KCND2: variants seen among roughly 807,000 people sequenced by gnomAD.
KCND2 encodes A-type voltage-gated potassium channel KCND2.
Under a neutral mutation model 54.4 loss-of-function variants are expected in KCND2, and 16 were observed. That is an observed-to-expected ratio of 0.29 (90% CI 0.20 to 0.45). The LOEUF (loss-of-function observed/expected upper bound fraction) is 0.45, where lower values mean the gene tolerates loss of function less well. Ranked by LOEUF, KCND2 falls within the 20% of genes least tolerant of loss-of-function variation. The pLI is 1.00. For synonymous variants in KCND2, 317 were observed against 310.7 expected, an observed-to-expected ratio of 1.02 and a Z score of -0.21; for missense variants, 486 against 824.2, an observed-to-expected ratio of 0.59 and a Z score of 5.02.
rs533275097 is a variant in KCND2 at position 120,670,923 on chromosome 7, A to T, written c.1116-61980A>T. On this transcript the variant is annotated intron_variant, in intron 1 of 5. Transcript: ENST00000331113. ...AGAGCCAGGCTCCGTCTCAAAAAAA[A>T]AAAAAAAGAAAGAAAAGGGATGAAT... Among the ~76,000 whole-genome samples, 28 of 151,838 alleles carry T rather than the reference A, an allele frequency of 1.8e-4. No homozygotes were observed. In the South Asian group the frequency reaches 5.8e-3, roughly 32 times the overall value.
At chr7:120,715,959 C>G (rs1388117245) in intron 1 of KCND2, among the ~76,000 whole-genome samples, 1 of 151,930 alleles carries the variant, frequency 6.6e-6, no homozygotes, top group Non-Finnish European at 1.5e-5. Flanking sequence ...ACAATTACTT[C>G]TTTTTTTAAT....
intron 1 of KCND2, among the ~76,000 whole-genome samples, chr7:120,729,049 A>G (rs1330769750): frequency 1.3e-5 from 2 of 152,180 alleles, no homozygotes; most frequent in Non-Finnish European, 2.9e-5. Context: ...AATTTCAGAG[A>G]GATGTGATTC....
chr7:120,545,948 ACT>A (rs1364526769), intron 1 of KCND2, among the ~76,000 whole-genome samples: 1 of 151,858 alleles, frequency 6.6e-6, no homozygotes, highest in Non-Finnish European at 1.5e-5. Flanking sequence ...TAGCTTCCTA[ACT>A]CTGAGCTAAT....
intron 1 of KCND2, among the ~76,000 whole-genome samples, chr7:120,730,788 T>G (rs761757453): frequency 2.6e-5 from 4 of 152,086 alleles, no homozygotes; most frequent in Non-Finnish European, 4.4e-5. Context: ...CTCTCAACAG[T>G]TTTTCTTCAG....
intron 1 of KCND2, among the ~76,000 whole-genome samples, chr7:120,399,804 T>G (rs1183718404): frequency 6.6e-6 from 1 of 150,732 alleles, no homozygotes; most frequent in Non-Finnish European, 1.5e-5. Flanking sequence ...CGGCTCACTA[T>G]AACCTTGGCC....
intron 1 of KCND2, among the ~76,000 whole-genome samples, chr7:120,445,707 A>G (rs1296818231): frequency 2.6e-5 from 4 of 152,196 alleles, no homozygotes; most frequent in Non-Finnish European, 5.9e-5. Flanking sequence ...AACAGTTATC[A>G]CACTAGTTTC....
intron 1 of KCND2, among the ~76,000 whole-genome samples, chr7:120,546,249 G>A (rs944241908): frequency 4.6e-5 from 7 of 151,820 alleles, no homozygotes; most frequent in African/African-American, 7.2e-5. Context: ...GATTGAACAC[G>A]GTTCTAACCC....
chr7:120,637,285 G>A (rs934147108), intron 1 of KCND2, among the ~76,000 whole-genome samples: 1 of 152,026 alleles, frequency 6.6e-6, no homozygotes. Flanking sequence ...AAAAGTCCAG[G>A]CATTAAGTCT....
chr7:120,369,799 A>G (rs572933995), intron 1 of KCND2, among the ~76,000 whole-genome samples: 39 of 152,172 alleles, frequency 2.6e-4, no homozygotes, highest in African/African-American at 9.1e-4. Flanking sequence ...ACCACCTGTT[A>G]TGTACCAGGC....
In KCND2 at chr7:120,685,080, T is replaced by G. The variant is rs551731974; in HGVS notation, c.1116-47823T>G. Among the ~76,000 whole-genome samples, 11 of 152,316 alleles carry G rather than the reference T, an allele frequency of 7.2e-5. No homozygotes were observed. In the South Asian group the frequency reaches 1.7e-3, roughly 23 times the overall value. ...TACCAAACCATTATCACATTCTTGG[T>G]CTGTGGAAAAATTGTCTTCCACGAA... On this transcript the variant is annotated intron_variant, in intron 1 of 5. Transcript: ENST00000331113.
chr7:120,523,239 T>G (rs1791722181), intron 1 of KCND2, among the ~76,000 whole-genome samples: 1 of 152,170 alleles, frequency 6.6e-6, no homozygotes, highest in Non-Finnish European at 1.5e-5. Flanking sequence ...CATTAACACT[T>G]AGTAGCCTAA....
chr7:120,474,484 C>A (rs187722329), intron 1 of KCND2, among the ~76,000 whole-genome samples: 1 of 151,526 alleles, frequency 6.6e-6, no homozygotes, highest in South Asian at 2.1e-4. Flanking sequence ...ATTACAGGCA[C>A]GTGCCACCAT....
intron 1 of KCND2, among the ~76,000 whole-genome samples, chr7:120,347,587 G>A (rs777723659): frequency 8.6e-5 from 13 of 151,928 alleles, no homozygotes; most frequent in African/African-American, 2.4e-4. Context: ...GTGAAACCCC[G>A]TCTCTACTAA....
At chr7:120,352,455 T>TAC (rs1800425643) in intron 1 of KCND2, among the ~76,000 whole-genome samples, 1 of 20,598 alleles carries the variant, frequency 4.9e-5, no homozygotes, top group African/African-American at 6.9e-5. Flanking sequence ...TATACACACA[T>TAC]ACATACACAC....
chr7:120,581,936 A>G (rs1792520685), intron 1 of KCND2, among the ~76,000 whole-genome samples: 1 of 151,932 alleles, frequency 6.6e-6, no homozygotes, highest in South Asian at 2.1e-4. Flanking sequence ...CTGGTCTCAA[A>G]CTCCTGACCT....
At chr7:120,375,613 A>G (rs889773287) in intron 1 of KCND2, among the ~76,000 whole-genome samples, 12 of 151,826 alleles carry the variant, frequency 7.9e-5, no homozygotes, top group Admixed American at 2.0e-4. Context: ...ATAAAAAGAT[A>G]TGGTTCTTCA....
At chr7:120,534,256 C>A (rs1274622971) in intron 1 of KCND2, among the ~76,000 whole-genome samples, 1 of 152,072 alleles carries the variant, frequency 6.6e-6, no homozygotes, top group African/African-American at 2.4e-5. Context: ...AGGTTAACAT[C>A]CTCAGTGATA....
chr7:120,452,092 G>A (rs570057438), intron 1 of KCND2, among the ~76,000 whole-genome samples: 28 of 152,298 alleles, frequency 1.8e-4, no homozygotes, highest in African/African-American at 6.7e-4. Flanking sequence ...AGAAATACAA[G>A]TATATAGAAC....
chr7:120,732,945 T>C lies in KCND2; in HGVS notation c.1158T>C (p.Phe386=). ...CAAAAACCATAGCAGGGAAGATTTT[T>C]GGTTCTATCTGTTCGCTGAGTGGGG... is the stretch of plus-strand genomic sequence containing the variant. ...MVPKTIAGKI[F]GSICSLSGVL... The change falls in exon 2 of 6, where the codon TTT becomes TTC. Residue 386 remains phenylalanine (F), a synonymous_variant. Coordinates refer to ENST00000331113, the MANE Select transcript of KCND2 (RefSeq NM_012281.3). The C allele has an allele frequency of 6.2e-7, 1 of 1,613,738 alleles. No individual in the cohort carries two copies. Among genetic ancestry groups the C allele is most frequent in the Non-Finnish European group, 8.5e-7 (1 of 1,179,742 alleles).
Sources: gnomAD v4.1 joint callset for allele counts (sites outside exome capture counted in the v4.1 genomes callset) on GRCh38, gnomAD v4.1.1 for gene constraint, MANE v1.5 for transcripts, NCBI Gene and HGNC (gene_info 2026-07-23, HGNC 2026-07-21) for gene names.